SEL1L2: variants seen among roughly 807,000 people sequenced by gnomAD.
SEL1L2 encodes protein sel-1 homolog 2.
SEL1L2 carries 89 observed loss-of-function variants against 98.8 expected under a neutral mutation model. The observed-to-expected ratio is 0.90, with a 90% confidence interval of 0.76 to 1.07. SEL1L2 has a LOEUF of 1.07. SEL1L2 is among the 50% of genes least tolerant of loss of function. The pLI is 0.00. For missense variants in SEL1L2, 788 were observed against 812.0 expected (o/e 0.97, Z 0.36); for synonymous variants, 262 against 278.5 (o/e 0.94, Z 0.59).
intron 5 of SEL1L2, among the ~76,000 whole-genome samples, chr20:13,912,453 C>T (rs950343441): frequency 3.3e-5 from 5 of 151,988 alleles, no homozygotes; most frequent in South Asian, 2.1e-4. Flanking sequence ...TGTGCCATGA[C>T]GCCCAGCTAA....
chr20:13,885,986 G>A (rs1262061333), intron 9 of SEL1L2, among the ~76,000 whole-genome samples: 3 of 151,550 alleles, frequency 2.0e-5, no homozygotes, highest in Non-Finnish European at 4.4e-5. Context: ...GCAGTGAGCC[G>A]AGATTGTGCC....
chr20:13,893,801 T>C (rs1216730459), intron 5 of SEL1L2, among the ~76,000 whole-genome samples: 1 of 152,126 alleles, frequency 6.6e-6, no homozygotes, highest in Non-Finnish European at 1.5e-5. Context: ...TCTCAACAAA[T>C]TTAAGAATAT....
At chr20:13,939,780 C>T (rs1040483253) in intron 2 of SEL1L2, among the ~76,000 whole-genome samples, 9 of 150,434 alleles carry the variant, frequency 6.0e-5, no homozygotes, top group Non-Finnish European at 8.8e-5. Flanking sequence ...AATTCTCATG[C>T]CTCAGCCTCC....
At chr20:13,909,607 A>G (rs1311446384) in intron 5 of SEL1L2, among the ~76,000 whole-genome samples, 2 of 152,182 alleles carry the variant, frequency 1.3e-5, no homozygotes, top group African/African-American at 4.8e-5. Context: ...GTGAGGAATA[A>G]GGGTGGATGT....
intron 5 of SEL1L2, among the ~76,000 whole-genome samples, chr20:13,891,663 C>CAAAAAAAAAAAAAAAA (rs61545047): frequency 2.7e-5 from 2 of 74,246 alleles, no homozygotes; most frequent in Non-Finnish European, 4.8e-5. Context: ...AAGACTCCAT[C>CAAAAAAAAAAAAAAAA]AAAAAAAAAA....
At chr20:13,893,334 G>T (rs1276803309) in intron 5 of SEL1L2, among the ~76,000 whole-genome samples, 3 of 152,064 alleles carry the variant, frequency 2.0e-5, no homozygotes, top group African/African-American at 4.8e-5. Flanking sequence ...GTTAACACAG[G>T]CAAATGGTAA....
chr20:13,902,301 C>T (rs976684815), intron 5 of SEL1L2, among the ~76,000 whole-genome samples: 1 of 152,116 alleles, frequency 6.6e-6, no homozygotes, highest in African/African-American at 2.4e-5. Context: ...CATTTATTAG[C>T]TGAAATAATT....
intron 5 of SEL1L2, among the ~76,000 whole-genome samples, chr20:13,909,021 A>T (rs2048102256): frequency 6.7e-6 from 1 of 148,544 alleles, no homozygotes; most frequent in South Asian, 2.1e-4. Flanking sequence ...GGCTCCTCTC[A>T]TCTATTATAT....
At chr20:13,884,035 T>A (rs2046832563) in intron 10 of SEL1L2, among the ~76,000 whole-genome samples, 1 of 152,242 alleles carries the variant, frequency 6.6e-6, no homozygotes, top group Non-Finnish European at 1.5e-5. Context: ...CTTATTTAAA[T>A]TCCTACCTAT....
chr20:13,932,582 C>T (rs1403376161), intron 2 of SEL1L2, among the ~76,000 whole-genome samples: 1 of 151,932 alleles, frequency 6.6e-6, no homozygotes, highest in Admixed American at 6.6e-5. Flanking sequence ...CAGGTGCATG[C>T]CACCGTGCCT....
At chr20:13,926,608 T>C (rs2048918399) in intron 3 of SEL1L2, among the ~76,000 whole-genome samples, 1 of 152,164 alleles carries the variant, frequency 6.6e-6, no homozygotes, top group African/African-American at 2.4e-5. Flanking sequence ...ACTCTGTAGC[T>C]GAAAACAGTC....
intron 3 of SEL1L2, 54 bp downstream of exon 3, chr20:13,931,549 T>A: frequency 9.2e-7 from 1 of 1,087,302 alleles, no homozygotes; most frequent in Non-Finnish European, 1.2e-6. Context: ...AAAATTTGAT[T>A]TTATATTGCA....
intron 12 of SEL1L2, among the ~76,000 whole-genome samples, chr20:13,872,877 C>A (rs929139562): frequency 6.6e-6 from 1 of 152,142 alleles, no homozygotes; most frequent in African/African-American, 2.4e-5. Flanking sequence ...GATGGAGACA[C>A]GTGGAGTCCC....
intron 3 of SEL1L2, among the ~76,000 whole-genome samples, chr20:13,920,796 A>G (rs780316777): frequency 6.6e-6 from 1 of 152,150 alleles, no homozygotes; most frequent in Non-Finnish European, 1.5e-5. Context: ...AGAGTTGCTC[A>G]TTTTTCTTTT....
At chr20:13,966,955 C>T (rs915532985) in intron 1 of SEL1L2, among the ~76,000 whole-genome samples, 5 of 143,172 alleles carry the variant, frequency 3.5e-5, no homozygotes, top group South Asian at 2.3e-4. Context: ...AATCTCAGCT[C>T]GCTGCAATCT....
At chr20:13,973,901 G>T (rs1022464918) in intron 1 of SEL1L2, among the ~76,000 whole-genome samples, 28 of 152,106 alleles carry the variant, frequency 1.8e-4, no homozygotes, top group African/African-American at 6.3e-4. Flanking sequence ...ATTTCTCAGA[G>T]ATATATATTT....
chr20:13,897,050 T>G (rs1436845107), intron 5 of SEL1L2, among the ~76,000 whole-genome samples: 3 of 152,172 alleles, frequency 2.0e-5, no homozygotes, highest in Non-Finnish European at 2.9e-5. Flanking sequence ...AGTACTGGTA[T>G]AAAGACAGAC....
chr20:13,896,517 C>CCA (rs2047436618), intron 5 of SEL1L2, among the ~76,000 whole-genome samples: 1 of 147,596 alleles, frequency 6.8e-6, no homozygotes, highest in African/African-American at 2.5e-5. Context: ...CCCCCCCCCC[C>CCA]CACACACAAA....
intron 5 of SEL1L2, among the ~76,000 whole-genome samples, chr20:13,896,122 C>A (rs2047412747): frequency 6.6e-6 from 1 of 152,082 alleles, no homozygotes; most frequent in Non-Finnish European, 1.5e-5. Flanking sequence ...TTGCAGCAAG[C>A]TGAGATCGTG....
Sources: gnomAD v4.1 joint callset for allele counts (sites outside exome capture counted in the v4.1 genomes callset) on GRCh38, gnomAD v4.1.1 for gene constraint, MANE v1.5 for transcripts, NCBI Gene and HGNC (gene_info 2026-07-23, HGNC 2026-07-21) for gene names.